TES: variants seen among roughly 807,000 people sequenced by gnomAD.
TES encodes the protein testin.
A neutral mutation model predicts 48.2 loss-of-function variants in TES; 41 were observed. The observed-to-expected ratio is 0.85, with a 90% confidence interval of 0.66 to 1.10. The LOEUF is 1.10. Among genes scored for constraint, TES ranks in the 50% least tolerant of loss-of-function variants. TES has a pLI of 0.00. For synonymous variants in TES, 162 were observed against 174.9 expected (o/e 0.93, Z 0.58); for missense variants, 463 against 515.1 (o/e 0.90, Z 0.98).
chr7:116,223,260 T>C (rs1000967), intron 1 of TES, among the ~76,000 whole-genome samples: 30,601 of 152,060 alleles, frequency 0.2, 3,419 homozygotes, highest in East Asian at 0.42. Flanking sequence ...TAAGTAGTAC[T>C]GTGAGGGAAG....
intron 2 of TES, among the ~76,000 whole-genome samples, chr7:116,247,903 G>A (rs1244627893): frequency 6.6e-6 from 1 of 152,040 alleles, no homozygotes; most frequent in African/African-American, 2.4e-5. Flanking sequence ...GGTTATAAAT[G>A]ATCCCATCAC....
At chr7:116,224,979 T>A (rs1338145202) in intron 1 of TES, among the ~76,000 whole-genome samples, 1 of 152,118 alleles carries the variant, frequency 6.6e-6, no homozygotes, top group Non-Finnish European at 1.5e-5. Flanking sequence ...GGCAAGTTAA[T>A]TTCTCCAAGT....
chr7:116,232,647 C>G (rs1371829078), intron 1 of TES, among the ~76,000 whole-genome samples: 1 of 152,016 alleles, frequency 6.6e-6, no homozygotes, highest in Non-Finnish European at 1.5e-5. Context: ...GAAAAGTTTC[C>G]CTCTGTCTTT....
chr7:116,249,365 C>T (rs761013580), intron 3 of TES, 93 bp downstream of exon 3: 1 of 1,407,626 alleles, frequency 7.1e-7, no homozygotes, highest in Non-Finnish European at 9.8e-7. Context: ...CTTCACACAT[C>T]CCAGATCTGT....
chr7:116,249,463 A>C (rs1205135684), intron 3 of TES, 191 bp downstream of exon 3: 5 of 636,836 alleles, frequency 7.9e-6, no homozygotes, highest in Non-Finnish European at 7.9e-6. Context: ...AAATTTTTCC[A>C]ACTCCCTAGA....
chr7:116,252,137 A>T (rs1211864833), intron 5 of TES, among the ~76,000 whole-genome samples, 162 bp downstream of exon 5: 1 of 152,202 alleles, frequency 6.6e-6, no homozygotes, highest in Non-Finnish European at 1.5e-5. Flanking sequence ...TGTCTGTGTT[A>T]ATTGGGTTGA....
chr7:116,211,246 C>A (rs115910311), intron 1 of TES: 1 of 152,850 alleles, frequency 6.5e-6, no homozygotes, highest in Non-Finnish European at 1.5e-5. Context: ...AATGCACTGC[C>A]TTCGCACCCG....
chr7:116,235,709 T>C (rs907505178), intron 2 of TES, among the ~76,000 whole-genome samples: 5 of 152,214 alleles, frequency 3.3e-5, no homozygotes, highest in African/African-American at 1.2e-4. Context: ...TATACAGTTT[T>C]AGGATGGCAG....
At chr7:116,253,628 G>A (rs959571589) in intron 6 of TES, among the ~76,000 whole-genome samples, 4 of 152,086 alleles carry the variant, frequency 2.6e-5, no homozygotes, top group African/African-American at 7.2e-5. Flanking sequence ...ATTTCCACAC[G>A]TTCACCATCA....
intron 6 of TES, among the ~76,000 whole-genome samples, chr7:116,254,749 T>C (rs1016931474): frequency 2.9e-5 from 3 of 104,256 alleles, no homozygotes; most frequent in Non-Finnish European, 5.9e-5. Context: ...TCAAAAAAAA[T>C]ATATATATAT....
chr7:116,238,608 T>TTATTA (rs889630191), intron 2 of TES, among the ~76,000 whole-genome samples: 3 of 150,512 alleles, frequency 2.0e-5, no homozygotes, highest in African/African-American at 7.3e-5. Flanking sequence ...ATTATTATTA[T>TTATTA]TATTATTTTT....
intron 1 of TES, chr7:116,222,738 A>G (rs1236726343): frequency 6.6e-6 from 1 of 152,544 alleles, no homozygotes; most frequent in East Asian, 1.9e-4. Flanking sequence ...GCCATGATCC[A>G]GATTCTTTTA....
intron 4 of TES, among the ~76,000 whole-genome samples, chr7:116,251,200 A>C (rs973799150): frequency 7.2e-5 from 11 of 152,220 alleles, no homozygotes. Flanking sequence ...AAGTGACCTT[A>C]ATTCAGGAAA....
intron 5 of TES, 135 bp from the exon 6 acceptor site, chr7:116,252,183 G>C: frequency 9.3e-7 from 1 of 1,075,650 alleles, no homozygotes; most frequent in Non-Finnish European, 1.3e-6. Context: ...GATTGATTTA[G>C]ACTAAACTAA....
At position 116,257,498 on chromosome 7, in the gene TES, A is replaced by G. The variant is rs374814622; in HGVS notation, c.*16A>G. ...GATGTCTTAGGAGGAGGGCACCCAG[A>G]AGTATCGAGCCATAGCTATCCAAAG... On this transcript the variant is annotated 3_prime_UTR_variant, in exon 7 of 7. Transcript: ENST00000358204. The G allele has an allele frequency of 5.0e-6, 8 of 1,588,352 alleles. No homozygotes were observed. Among genetic ancestry groups the G allele is most frequent in the Admixed American group, 1.8e-5 (1 of 56,690 alleles).
intron 2 of TES, among the ~76,000 whole-genome samples, chr7:116,235,971 G>A (rs1174627411): frequency 6.6e-6 from 1 of 151,908 alleles, no homozygotes; most frequent in African/African-American, 2.4e-5. Flanking sequence ...CAGTTCTTCA[G>A]TTTTGATACA....
rs535529138 is a variant in TES, at chr7:116,251,614, C to T, written c.703-146C>T. The T allele has an allele frequency of 6.8e-6, 5 of 733,592 alleles. No homozygotes were observed. In the East Asian group the frequency reaches 7.6e-5, roughly 11 times the overall value. The allele number at this position is 733,592 out of a possible 1,614,324, so 45.4% of individuals were successfully genotyped here. A position where few individuals can be genotyped will look rare whatever the true frequency, so the allele number is the denominator to read the frequency against. ...AGGAGAACGGCGTGAACCCAGGAGG[C>T]GGAGCTTGCAATGAGCCGAGATAGC... On this transcript the variant is annotated intron_variant, in intron 4 of 6. Coordinates refer to ENST00000358204, the MANE Select transcript of TES (RefSeq NM_015641.4).
chr7:116,233,659 C>T (rs1269184641), intron 1 of TES, among the ~76,000 whole-genome samples: 1 of 152,204 alleles, frequency 6.6e-6, no homozygotes, highest in African/African-American at 2.4e-5. Flanking sequence ...GTACTTACCT[C>T]TATTCCTTGT....
chr7:116,249,536 T>C, intron 3 of TES: 1 of 396,264 alleles, frequency 2.5e-6, no homozygotes, highest in Non-Finnish European at 4.5e-6. Context: ...ATCAGATGTT[T>C]TATATCAATC....
Sources: gnomAD v4.1 joint callset for allele counts (sites outside exome capture counted in the v4.1 genomes callset) on GRCh38, gnomAD v4.1.1 for gene constraint, MANE v1.5 for transcripts, NCBI Gene and HGNC (gene_info 2026-07-23, HGNC 2026-07-21) for gene names.